The following TIAM2 variants were observed in gnomAD, a reference collection of about 807,000 sequenced individuals.
TIAM2 encodes the protein rho guanine nucleotide exchange factor TIAM2.
Under a neutral mutation model 152.9 loss-of-function variants are expected in TIAM2, and 80 were observed. The observed-to-expected ratio is 0.52, with a 90% CI of 0.44 to 0.63. TIAM2 has a LOEUF of 0.63. TIAM2 is among the 30% of genes least tolerant of loss of function. The probability of loss-of-function intolerance (pLI) is 0.00; values close to 1 mark genes in which losing one functional copy is unlikely to be tolerated. For missense variants in TIAM2, 1,965 were observed against 2,120.1 expected (o/e 0.93, Z 1.44); for synonymous variants, 804 against 838.0 (o/e 0.96, Z 0.70).
chr6:155,253,199 A>G (rs1393714198), intron 24 of TIAM2, 146 bp downstream of exon 24: 4 of 673,550 alleles, frequency 5.9e-6, no homozygotes, highest in African/African-American at 1.8e-5. Context: ...GGTTGTTTTG[A>G]TGTTCCTTAG....
chr6:155,133,081 G>A (rs551227368), intron 4 of TIAM2, among the ~76,000 whole-genome samples: 83 of 152,358 alleles, frequency 5.4e-4, no homozygotes, highest in Non-Finnish European at 9.7e-4. Context: ...AGGGCCGGGT[G>A]TGGTGGCTCA....
intron 1 of TIAM2, among the ~76,000 whole-genome samples, chr6:155,002,589 CT>C (rs1450288073): frequency 6.6e-6 from 1 of 152,072 alleles, no homozygotes; most frequent in East Asian, 1.9e-4. Context: ...TTCTTAGGTA[CT>C]TGTGTCTATA....
At position 155,073,956 on chromosome 6, in the gene TIAM2, G is replaced by T. The variant is rs1021293791; in HGVS notation, c.-208-16333G>T. Among the ~76,000 whole-genome samples the T allele has an allele frequency of 1.0e-3, 157 of 152,270 alleles. 2 individuals are homozygous for T. The highest frequency in any genetic ancestry group is 1.6e-4 in the Non-Finnish European group (11 of 68,028). ...GGTAGGTGGAAAATGCAATGTTCTG[G>T]ATGGGGAGAGAGACGTAAGGGTGCC... On this transcript the variant is annotated intron_variant, in intron 1 of 26. Transcript: ENST00000682666.
intron 1 of TIAM2, among the ~76,000 whole-genome samples, chr6:155,049,917 T>C (rs1210778282): frequency 6.6e-6 from 1 of 152,186 alleles, no homozygotes; most frequent in Non-Finnish European, 1.5e-5. Flanking sequence ...TGAGTAGTTA[T>C]TGATAGTCTT....
chr6:155,250,817 C>G (rs1277969499), intron 21 of TIAM2, 96 bp from the exon 22 acceptor site: 1 of 1,325,136 alleles, frequency 7.5e-7, no homozygotes, highest in Non-Finnish European at 1.1e-6. Context: ...GCTGTGCTTG[C>G]ATTTTAGCAA....
chr6:155,067,180 G>C (rs1777712614), intron 1 of TIAM2, among the ~76,000 whole-genome samples: 1 of 152,160 alleles, frequency 6.6e-6, no homozygotes, highest in Admixed American at 6.5e-5. Flanking sequence ...GACCCAGTCT[G>C]GCTGTGGGGG....
chr6:155,168,620 G>A (rs1467976524), intron 9 of TIAM2, among the ~76,000 whole-genome samples: 1 of 152,130 alleles, frequency 6.6e-6, no homozygotes, highest in African/African-American at 2.4e-5. Flanking sequence ...GCCTCCCAAA[G>A]TGCTGGGATT....
At chr6:155,143,279 G>A (rs1230619750) in intron 5 of TIAM2, among the ~76,000 whole-genome samples, 1 of 152,198 alleles carries the variant, frequency 6.6e-6, no homozygotes, top group Non-Finnish European at 1.5e-5. Flanking sequence ...CTTAAAAATT[G>A]TGTCTAATAA....
chr6:155,192,968 T>C (rs1406989580), intron 14 of TIAM2, among the ~76,000 whole-genome samples: 1 of 152,238 alleles, frequency 6.6e-6, no homozygotes, highest in Non-Finnish European at 1.5e-5. Flanking sequence ...TTTGGTAGCA[T>C]TAAAATTCAT....
At chr6:155,182,394 T>G in intron 13 of TIAM2, 76 bp downstream of exon 13, 2 of 1,255,052 alleles carry the variant, frequency 1.6e-6, no homozygotes, top group South Asian at 2.6e-5. Context: ...TGAATGTTTC[T>G]TCTTACAGTT....
chr6:155,139,485 C>G (rs943622667), intron 5 of TIAM2, among the ~76,000 whole-genome samples: 1 of 152,034 alleles, frequency 6.6e-6, no homozygotes, highest in Non-Finnish European at 1.5e-5. Flanking sequence ...TCCATACTGG[C>G]GAGGCAGATT....
chr6:155,248,149 C>G lies in TIAM2; in HGVS notation c.3802C>G (p.Gln1268Glu). 1 of 1,614,006 alleles carries G rather than the reference C, an allele frequency of 6.2e-7. No individual in the cohort carries two copies. The highest frequency in any genetic ancestry group is 1.1e-5 in the South Asian group (1 of 91,074). Residue 1268 changes from glutamine to glutamate, a missense_variant, in exon 20 of 27, where the codon CAG (glutamine) becomes GAG (glutamate). Transcript: ENST00000682666. ...LLKELVSLTD[Q>E]ESEEHYHLTE... ...CAAGGAGCTGGTGTCCCTGACGGAC[C>G]AGGAGAGCGAGGAGCACTACCACCT... is the stretch of plus-strand genomic sequence containing the variant.
intron 1 of TIAM2, among the ~76,000 whole-genome samples, chr6:154,997,314 T>C (rs1778232323): frequency 6.6e-6 from 1 of 152,224 alleles, no homozygotes; most frequent in Non-Finnish European, 1.5e-5. Flanking sequence ...TCAGTGCTTC[T>C]ACTAGAACAC....
chr6:155,090,087 A>G (rs2114978733), intron 1 of TIAM2, among the ~76,000 whole-genome samples: 1 of 152,296 alleles, frequency 6.6e-6, no homozygotes, highest in East Asian at 1.9e-4. Flanking sequence ...TCTACAGTAA[A>G]TCTGCTTCTC....
intron 7 of TIAM2, among the ~76,000 whole-genome samples, chr6:155,160,104 A>AC (rs1252234531): frequency 1.3e-5 from 2 of 152,210 alleles, no homozygotes; most frequent in African/African-American, 4.8e-5. Context: ...TCTGCAGGGT[A>AC]AGTCAGTAAG....
intron 1 of TIAM2, among the ~76,000 whole-genome samples, chr6:155,048,869 C>G (rs1332828077): frequency 6.6e-6 from 1 of 151,500 alleles, no homozygotes; most frequent in Non-Finnish European, 1.5e-5. Context: ...GGTGCAATCT[C>G]GGCTCACTGC....
intron 1 of TIAM2, among the ~76,000 whole-genome samples, chr6:155,049,436 T>A (rs1265704867): frequency 6.6e-6 from 1 of 152,198 alleles, no homozygotes; most frequent in Non-Finnish European, 1.5e-5. Context: ...CTGTTTAGTC[T>A]CTGTTTTCCT....
intron 2 of TIAM2, among the ~76,000 whole-genome samples, chr6:155,111,261 A>C (rs1026487258): frequency 2.6e-5 from 4 of 151,594 alleles, no homozygotes; most frequent in Admixed American, 1.3e-4. Context: ...ACTGGAGAGT[A>C]AAGCGCTTCA....
chr6:155,243,256 C>T (rs534495708), intron 16 of TIAM2, among the ~76,000 whole-genome samples: 10 of 152,228 alleles, frequency 6.6e-5, no homozygotes, highest in African/African-American at 2.4e-4. Flanking sequence ...AGTTGAAGGG[C>T]TCCCCAGAAC....
Sources: allele counts gnomAD v4.1 joint callset (sites outside exome capture counted in the v4.1 genomes callset), GRCh38; gene constraint gnomAD v4.1.1; transcripts MANE v1.5; gene names NCBI Gene and HGNC (gene_info 2026-07-23, HGNC 2026-07-21).